Variants in TTC6 observed in about 807,000 individuals in gnomAD.
The protein encoded by TTC6 is tetratricopeptide repeat protein 6.
TTC6 carries 172 observed loss-of-function variants against 210.4 expected under a neutral mutation model. The ratio of observed to expected loss-of-function variants is 0.82; its 90% CI spans 0.72 to 0.93. The LOEUF is 0.93. TTC6 is among the 40% of genes least tolerant of loss of function. The pLI is 0.00. For missense variants in TTC6, 2,414 were observed against 2,318.1 expected (o/e 1.04, Z -0.85); for synonymous variants, 804 against 819.6 (o/e 0.98, Z 0.32).
At chr14:37,792,770 C>A (rs2096083046) in intron 17 of TTC6, among the ~76,000 whole-genome samples, 1 of 137,482 alleles carries the variant, frequency 7.3e-6, no homozygotes. Flanking sequence ...AGTCTATGGT[C>A]CAATGTTGTG....
chr14:37,794,051 G>A (rs1169953162), intron 17 of TTC6, among the ~76,000 whole-genome samples: 1 of 152,148 alleles, frequency 6.6e-6, no homozygotes, highest in Non-Finnish European at 1.5e-5. Context: ...AGGCTACCTG[G>A]TAGTGGTCTA....
At position 37,724,968 on chromosome 14, in the gene TTC6, CTGTCA is replaced by C. The variant is rs1416593846; in HGVS notation, c.1787_1791del (p.Val596GlufsTer9). 1 of 1,527,950 alleles carries C rather than the reference CTGTCA, an allele frequency of 6.5e-7. No homozygotes were observed. Among genetic ancestry groups the C allele is most frequent in the Non-Finnish European group, 8.8e-7 (1 of 1,141,766 alleles). 94.6% of individuals were successfully genotyped at this position (1,527,950 alleles called of 1,614,324 possible). ...GCACCTAAATTCTCTGTTCCAGAATCTGTCATGAAGGAAACTCTATATCCAAAATA... is the reference window on the plus strand; with the variant it reads ...GCACCTAAATTCTCTGTTCCAGAATCTGAAGGAAACTCTATATCCAAAATA... On this transcript the variant is annotated frameshift_variant, in exon 7 of 31. Coordinates refer to ENST00000553443, the Ensembl canonical transcript of TTC6. LOFTEE classifies it high-confidence loss of function.
At chr14:37,807,267 T>C in intron 22 of TTC6, 53 bp from the exon 25 acceptor site, 2 of 1,396,276 alleles carry the variant, frequency 1.4e-6, no homozygotes, top group Non-Finnish European at 1.9e-6. Context: ...TTGGTAGAAT[T>C]GGTGCTTTTA....
intron 1 of TTC6, among the ~76,000 whole-genome samples, chr14:37,623,984 CA>C (rs2095655929): frequency 6.6e-6 from 1 of 152,126 alleles, no homozygotes; most frequent in East Asian, 1.9e-4. Context: ...ATGACAGAAG[CA>C]AGAAGATTCT....
intron 6 of TTC6, among the ~76,000 whole-genome samples, chr14:37,720,743 C>T (rs1278906403): frequency 1.3e-5 from 2 of 152,014 alleles, no homozygotes; most frequent in East Asian, 3.9e-4. Context: ...TAAAAGATTA[C>T]ATACTGTGTA....
intron 14 of TTC6, among the ~76,000 whole-genome samples, chr14:37,786,644 G>C (rs973685947): frequency 1.3e-5 from 2 of 152,190 alleles, no homozygotes; most frequent in African/African-American, 4.8e-5. Flanking sequence ...TGCACCAACT[G>C]TCCGACAAGC....
At chr14:37,756,882 G>C (rs1289061543) in intron 14 of TTC6, among the ~76,000 whole-genome samples, 1 of 152,144 alleles carries the variant, frequency 6.6e-6, no homozygotes. Context: ...TTACAGAGGA[G>C]TCCCTCTTTT....
At chr14:37,651,425 ATTTTTTTTTTTTTTTTTTT>A (rs55775703) in intron 1 of TTC6, among the ~76,000 whole-genome samples, 1 of 23,910 alleles carries the variant, frequency 4.2e-5, no homozygotes, top group East Asian at 1.5e-3. Flanking sequence ...ATATATATAT[ATTTTTTTTTTTTTTTTTTT>A]TTTTTTTTTC....
chr14:37,841,786 G>T, intron 30 of TTC6, 116 bp downstream of exon 32: 1 of 867,260 alleles, frequency 1.2e-6, no homozygotes, highest in Non-Finnish European at 1.8e-6. Context: ...ATAAGAATTA[G>T]TGTTTTTAGA....
At chr14:37,773,448 A>T (rs1595239366) in intron 14 of TTC6, among the ~76,000 whole-genome samples, 1 of 152,190 alleles carries the variant, frequency 6.6e-6, no homozygotes, top group Non-Finnish European at 1.5e-5. Context: ...ATATACTGTA[A>T]GGTAGGGGTT....
chr14:37,674,149 T>G (rs1316924357), intron 1 of TTC6, among the ~76,000 whole-genome samples: 1 of 152,090 alleles, frequency 6.6e-6, no homozygotes, highest in African/African-American at 2.4e-5. Flanking sequence ...TCCTGACATT[T>G]CCTAAGGCAC....
chr14:37,611,804 G>A (rs2095635096), intron 2 of TTC6, among the ~76,000 whole-genome samples: 1 of 152,040 alleles, frequency 6.6e-6, no homozygotes, highest in Admixed American at 6.6e-5. Context: ...CCACCAGTAG[G>A]TGGTTGCCCC....
intron 4 of TTC6, among the ~76,000 whole-genome samples, chr14:37,700,750 CAAAAAA>C (rs35091344): frequency 1.6e-5 from 1 of 62,276 alleles, no homozygotes; most frequent in African/African-American, 7.6e-5. Context: ...CTCCATCTCA[CAAAAAA>C]AAAAAAAAAA....
At chr14:37,689,637 C>T (rs1400119652) in intron 3 of TTC6, among the ~76,000 whole-genome samples, 2 of 152,222 alleles carry the variant, frequency 1.3e-5, no homozygotes, top group East Asian at 1.9e-4. Flanking sequence ...CAGTGGAAAC[C>T]TTACAGGCCA....
chr14:37,700,560 T>A (rs370596879), intron 4 of TTC6, among the ~76,000 whole-genome samples: 2 of 151,674 alleles, frequency 1.3e-5, no homozygotes, highest in African/African-American at 2.4e-5. Context: ...CTTGCCAACA[T>A]TGGGAAACCC....
At chr14:37,827,246 T>C (rs2096174092) in exon 29 of TTC6, 1 of 1,613,096 alleles carries the variant, frequency 6.2e-7, no homozygotes, top group East Asian at 2.2e-5. Flanking sequence ...TTCATGAGTT[T>C]ATGGGCCACA....
rs756558647 is a variant in TTC6, at chr14:37,622,597, T to A, written c.533T>A (p.Val178Asp). The change falls in exon 1 of 31, where the codon GTC (valine) becomes GAC (aspartate). Residue 178 changes from valine to aspartate, a missense_variant. By Grantham distance (152) the Val-to-Asp change is radical (BLOSUM62 -3). Transcript: ENST00000553443. The stretch of plus-strand genomic sequence containing the variant: ...TCGCGGCACGCGGCTCCCAGGCGGG[T>A]CTTCCACTTGGGAAGGGAGCGCGAA... 8.5e-6 allele frequency: 13 copies of A among 1,534,186 alleles called. No homozygotes were observed. In the African/African-American group the frequency reaches 1.8e-4, roughly 21 times the overall value.
At chr14:37,740,641 T>C (rs1316562503) in intron 10 of TTC6, among the ~76,000 whole-genome samples, 5 of 152,332 alleles carry the variant, frequency 3.3e-5, no homozygotes, top group Admixed American at 1.3e-4. Context: ...TAGCGGAGAA[T>C]GCCATTCAAG....
rs35078384 is a variant in TTC6 at position 37,821,772 on chromosome 14, CTTT to C, written c.4764-1952_4764-1950del. ...GAGAATGTCTCAGCTAAGAGCTAGT[CTTT>C]TTTTTTTTTTTTTTTTTTTTTTGAG... is the stretch of plus-strand genomic sequence containing the variant. On this transcript the variant is annotated intron_variant, in intron 26 of 30. Coordinates refer to ENST00000553443, the Ensembl canonical transcript of TTC6. Among the ~76,000 whole-genome samples the C allele has an allele frequency of 4.3e-5, 3 of 69,158 alleles. No homozygotes were observed. In the East Asian group the frequency reaches 1.4e-3, roughly 32 times the overall value. 45.4% of individuals were successfully genotyped at this position (69,158 alleles called of 152,430 possible). A position where few individuals can be genotyped will look rare whatever the true frequency, so the allele number is the denominator to read the frequency against.
Sources: gnomAD v4.1 joint callset for allele counts (sites outside exome capture counted in the v4.1 genomes callset) on GRCh38, gnomAD v4.1.1 for gene constraint, MANE v1.5 for transcripts, NCBI Gene and HGNC (gene_info 2026-07-23, HGNC 2026-07-21) for gene names.